Variants in MYH1 observed in about 807,000 individuals in gnomAD.
The protein encoded by MYH1 is myosin-1.
MYH1 carries 214 observed loss-of-function variants against 225.6 expected under a neutral mutation model. That is an observed-to-expected ratio of 0.95 (90% CI 0.85 to 1.06). MYH1 has a LOEUF of 1.06. Among genes scored for constraint, MYH1 ranks in the 50% least tolerant of loss-of-function variants. MYH1 has a pLI of 0.00. For missense variants in MYH1, 2,098 were observed against 2,344.2 expected, an observed-to-expected ratio of 0.89 and a Z score of 2.17; for synonymous variants, 774 against 842.3, an observed-to-expected ratio of 0.92 and a Z score of 1.40.
chr17:10,501,519 T>G lies in MYH1; in HGVS notation c.3349-20A>C. On this transcript the variant is annotated intron_variant, in intron 26 of 39. Coordinates refer to ENST00000226207, the MANE Select transcript of MYH1 (RefSeq NM_005963.4). ...GCGGGCCTGGGAATGGTGAAAAATA[T>G]TAATACGAACTCAACTTCTTGGTGT... The G allele has an allele frequency of 6.2e-7, 1 of 1,614,212 alleles. No homozygotes were observed. The highest frequency in any genetic ancestry group is 1.1e-5 in the South Asian group (1 of 91,084).
At chr17:10,496,686 A>G (rs1236633915) in intron 33 of MYH1, 137 bp from the exon 34 acceptor site, 4 of 1,363,926 alleles carry the variant, frequency 2.9e-6, no homozygotes, top group South Asian at 2.8e-5. Context: ...CAAGAGTGTC[A>G]TTTTCATGCC....
intron 4 of MYH1, 49 bp downstream of exon 4, chr17:10,516,150 A>G (rs1240452938): frequency 1.2e-6 from 2 of 1,613,496 alleles, no homozygotes; most frequent in Non-Finnish European, 1.7e-6. Flanking sequence ...CTACTTTTCA[A>G]AAACTATTAA....
chr17:10,514,092 G>T lies in MYH1; in HGVS notation c.566C>A (p.Thr189Asn). 6.2e-7 allele frequency: 1 copy of T among 1,614,118 alleles called. No individual in the cohort carries two copies. Among genetic ancestry groups the T allele is most frequent in the Non-Finnish European group, 8.5e-7 (1 of 1,179,976 alleles). The change falls in exon 7 of 40, where the codon ACC becomes AAC. Residue 189 changes from threonine to asparagine, a missense_variant. By Grantham distance (65) the Thr-to-Asn change is moderately conservative (BLOSUM62 0). Coordinates refer to ENST00000226207, the MANE Select transcript of MYH1 (RefSeq NM_005963.4). ...GESGAGKTVN[T>N]KRVIQYFATI... is the part of the protein sequence containing the mutation. ...TGCAAAGTACTGGATGACACGCTTGGTGTTCACAGTCTTCCCTGCGCCAGA... is the reference window on the plus strand; with the variant it reads ...TGCAAAGTACTGGATGACACGCTTGTTGTTCACAGTCTTCCCTGCGCCAGA...
intron 33 of MYH1, 24 bp from the exon 34 acceptor site, chr17:10,496,573 T>C: frequency 1.9e-6 from 3 of 1,614,076 alleles, no homozygotes; most frequent in Non-Finnish European, 2.5e-6. Flanking sequence ...AGAGGTGACA[T>C]TAGTAGAGTA....
chr17:10,505,678 T>C (rs1181274434), intron 19 of MYH1, 134 bp downstream of exon 19: 2 of 1,381,774 alleles, frequency 1.4e-6, no homozygotes, highest in Non-Finnish European at 2.0e-6. Flanking sequence ...AGTTTTCTTA[T>C]GTCAATATGG....
At chr17:10,496,923 G>A (rs1376367916) in intron 33 of MYH1, 146 bp downstream of exon 33, 4 of 1,077,334 alleles carry the variant, frequency 3.7e-6, no homozygotes, top group Non-Finnish European at 5.3e-6. Context: ...TGGTTATGTT[G>A]GTTGTATGCA....
chr17:10,516,221 C>T lies in MYH1; in HGVS notation c.326G>A (p.Arg109His), dbSNP rs762739182. 1.4e-5 allele frequency: 23 copies of T among 1,614,078 alleles called. No homozygotes were observed. Among genetic ancestry groups the T allele is most frequent in the Middle Eastern group, 1.6e-4 (1 of 6,084 alleles). ...CACGTAGATCATCCAGGCTGCGTAG[C>T]GCTCTTTGAGGTTGTACAGCACAGC... ...EPAVLYNLKE[R>H]YAAWMIYTYS... Residue 109 changes from arginine (R) to histidine (H), a missense_variant, in exon 4 of 40, where the codon CGC becomes CAC. Transcript: ENST00000226207.
In MYH1 at chr17:10,509,480, C is replaced by T; in HGVS notation, c.1587+5G>A. 1 of 1,614,064 alleles carries T rather than the reference C, an allele frequency of 6.2e-7. No homozygotes were observed. The highest frequency in any genetic ancestry group is 8.5e-7 in the Non-Finnish European group (1 of 1,180,002). The stretch of plus-strand genomic sequence containing the variant: ...TGATCTGTGGTCTGCAAAAAGCAAG[C>T]CAACCTTCTCGATGAGCTCGATGCA... On this transcript the variant is annotated splice_donor_5th_base_variant and intron_variant, in intron 15 of 39. Coordinates refer to ENST00000226207, the MANE Select transcript of MYH1 (RefSeq NM_005963.4).
chr17:10,512,071 T>C lies in MYH1; in HGVS notation c.1266+3A>G. On this transcript the variant is annotated splice_donor_region_variant and intron_variant, in intron 13 of 39. Coordinates refer to ENST00000226207, the MANE Select transcript of MYH1 (RefSeq NM_005963.4). ...GTGTGATTCATTGAGGTCATGCACTTACCTGCTGCACAGTTTGACCTTTGG... is the reference window on the plus strand; with the variant it reads ...GTGTGATTCATTGAGGTCATGCACTCACCTGCTGCACAGTTTGACCTTTGG... 1 of 1,614,104 alleles carries C rather than the reference T, an allele frequency of 6.2e-7. No individual in the cohort carries two copies. Among genetic ancestry groups the C allele is most frequent in the Non-Finnish European group, 8.5e-7 (1 of 1,179,920 alleles).
At chr17:10,495,532 C>T (rs1218669824) in intron 35 of MYH1, among the ~76,000 whole-genome samples, 1 of 151,758 alleles carries the variant, frequency 6.6e-6, no homozygotes, top group African/African-American at 2.4e-5. Context: ...GAGGCCGAGG[C>T]GGGTGGATTA....
intron 28 of MYH1, among the ~76,000 whole-genome samples, chr17:10,499,614 A>G (rs2073032319): frequency 6.6e-6 from 1 of 152,202 alleles, no homozygotes; most frequent in African/African-American, 2.4e-5. Context: ...TGGTTTCTGG[A>G]TAAGTACTTT....
intron 28 of MYH1, among the ~76,000 whole-genome samples, chr17:10,500,401 A>AAT (rs929897452): frequency 6.7e-6 from 1 of 150,322 alleles, no homozygotes. Flanking sequence ...TATATATACA[A>AAT]ATATATATAT....
At chr17:10,504,180 G>A (rs917868815) in intron 22 of MYH1, among the ~76,000 whole-genome samples, 7 of 152,126 alleles carry the variant, frequency 4.6e-5, no homozygotes, top group African/African-American at 1.7e-4. Flanking sequence ...TTAGATAGTG[G>A]CTTTTGATCA....
At chr17:10,510,936 A>C (rs2073164576) in intron 14 of MYH1, among the ~76,000 whole-genome samples, 1 of 151,880 alleles carries the variant, frequency 6.6e-6, no homozygotes, top group Non-Finnish European at 1.5e-5. Flanking sequence ...ATATCTCGAT[A>C]AAGCTGTTAC....
In MYH1 at chr17:10,512,054, C is replaced by T. The variant is rs370321115; in HGVS notation, c.1266+20G>A. On this transcript the variant is annotated intron_variant, in intron 13 of 39. Coordinates refer to ENST00000226207, the MANE Select transcript of MYH1 (RefSeq NM_005963.4). ...ATGAAGGCCTGGGATGTGTGTGATTCATTGAGGTCATGCACTTACCTGCTG... is the reference window on the plus strand; with the variant it reads ...ATGAAGGCCTGGGATGTGTGTGATTTATTGAGGTCATGCACTTACCTGCTG... The T allele has an allele frequency of 3.9e-5, 63 of 1,613,786 alleles. No individual in the cohort carries two copies. The highest frequency in any genetic ancestry group is 5.2e-5 in the Non-Finnish European group (61 of 1,179,798).
chr17:10,508,360 T>G lies in MYH1; in HGVS notation c.1897+3A>C. 6.3e-7 allele frequency: 1 copy of G among 1,592,766 alleles called. No individual in the cohort carries two copies. The highest frequency in any genetic ancestry group is 8.5e-7 in the Non-Finnish European group (1 of 1,170,796). On this transcript the variant is annotated splice_donor_region_variant and intron_variant, in intron 16 of 39. Transcript: ENST00000226207. ...GTAAAAGATTAATTATATTGATAATTACCTGCTTCCGCTCCCGTTGCCCCA... is the reference window on the plus strand; with the variant it reads ...GTAAAAGATTAATTATATTGATAATGACCTGCTTCCGCTCCCGTTGCCCCA...
rs1567722533 is a variant in MYH1 at position 10,512,883 on chromosome 17, CT to C, written c.887del (p.Lys296ArgfsTer5). Reference protein sequence around the residue: ...YHIFYQIMSNKKPDLIEMLLI... With the variant: ...YHIFYQIMSNXKPDLIEMLLI... ...ATTTCTTACCAATTAGATCTGGCTTCTTGTTAGACATGATCTGATAAAAAAT... is the reference window on the plus strand; with the variant it reads ...ATTTCTTACCAATTAGATCTGGCTTCTGTTAGACATGATCTGATAAAAAAT... On this transcript the variant is annotated frameshift_variant, in exon 10 of 40. Transcript: ENST00000226207. LOFTEE classifies it high-confidence loss of function. 1.9e-6 allele frequency: 3 copies of C among 1,612,506 alleles called. No homozygotes were observed. Among genetic ancestry groups the C allele is most frequent in the Non-Finnish European group, 2.5e-6 (3 of 1,178,574 alleles).
chr17:10,508,051 C>G (rs2073132570), intron 16 of MYH1, 95 bp from the exon 17 acceptor site: 1 of 1,087,844 alleles, frequency 9.2e-7, no homozygotes, highest in Non-Finnish European at 1.3e-6. Flanking sequence ...AAGTTTCACT[C>G]TTGGTTGCCC....
Position 10,505,436 on chromosome 17 carries a change from C to T in MYH1, c.2250G>A (p.Leu750=), listed in dbSNP as rs144894297. ...IDSKKASEKL[L]GSIDIDHTQY... ...GGGTGTGGTCAATGTCAATGGACCCCAGGAGCTTCTCTGAAGCCTTCTTGC... is the reference window on the plus strand; with the variant it reads ...GGGTGTGGTCAATGTCAATGGACCCTAGGAGCTTCTCTGAAGCCTTCTTGC... The change falls in exon 20 of 40, where the codon CTG becomes CTA. Residue 750 remains leucine (L), a synonymous_variant. Coordinates refer to ENST00000226207, the MANE Select transcript of MYH1 (RefSeq NM_005963.4). 6.2e-7 allele frequency: 1 copy of T among 1,614,182 alleles called. No homozygotes were observed. The highest frequency in any genetic ancestry group is 8.5e-7 in the Non-Finnish European group (1 of 1,180,018).
Sources: gnomAD v4.1 joint callset for allele counts (sites outside exome capture counted in the v4.1 genomes callset) on GRCh38, gnomAD v4.1.1 for gene constraint, MANE v1.5 for transcripts, NCBI Gene and HGNC (gene_info 2026-07-23, HGNC 2026-07-21) for gene names.